GARIN6: variants seen among roughly 807,000 people sequenced by gnomAD.
The protein encoded by GARIN6 is golgi associated RAB2 interactor family member 6, also known as Golgi-associated RAB2 interactor protein 6.
At chr12:99,649,556 C>T in the GARIN6 span, 16 of 599,232 alleles carry the variant, frequency 2.7e-5, no homozygotes, top group Non-Finnish European at 4.4e-5. Flanking sequence ...ACCAAGTCTG[C>T]AGACTCAGGA....
chr12:99,648,687 C>T, the GARIN6 span: 10 of 1,614,042 alleles, frequency 6.2e-6, no homozygotes, highest in Non-Finnish European at 8.5e-6. Flanking sequence ...ACCTTGTTTA[C>T]ATCCTGAGAC....
chr12:99,648,160 G>T, the GARIN6 span: 1 of 1,574,688 alleles, frequency 6.4e-7, no homozygotes, highest in South Asian at 1.1e-5. Context: ...GAACTGTCTT[G>T]ATTTAAAGGA....
the GARIN6 span, chr12:99,647,947 A>T: frequency 1.7e-6 from 1 of 587,604 alleles, no homozygotes; most frequent in Non-Finnish European, 2.9e-6. Context: ...CCATGCACTA[A>T]GCAGGGCACA....
the GARIN6 span, chr12:99,649,717 G>A: frequency 3.9e-6 from 1 of 253,402 alleles, no homozygotes; most frequent in East Asian, 9.9e-5. Context: ...AAGCATATCA[G>A]TAAGTGCTAC....
the GARIN6 span, chr12:99,648,222 C>A: frequency 6.2e-7 from 1 of 1,614,110 alleles, no homozygotes; most frequent in East Asian, 2.2e-5. Context: ...AAAGCAGCCC[C>A]GCAATGGGCA....
At chr12:99,649,391 A>C in the GARIN6 span, 4 of 1,610,294 alleles carry the variant, frequency 2.5e-6, no homozygotes, top group Non-Finnish European at 3.4e-6. Flanking sequence ...TATACAATAG[A>C]GATATGAATC....
the GARIN6 span, chr12:99,649,811 C>T: frequency 1.3e-5 from 2 of 151,668 alleles, no homozygotes; most frequent in Non-Finnish European, 2.8e-5. Context: ...GACAGTATCT[C>T]TCTGCTACTC....
At chr12:99,648,287 C>G in the GARIN6 span, 2 of 1,614,168 alleles carry the variant, frequency 1.2e-6, no homozygotes, top group Non-Finnish European at 1.7e-6. Context: ...GGCGAGTATA[C>G]TATATTCAGG....
the GARIN6 span, chr12:99,648,485 C>T: frequency 1.9e-6 from 3 of 1,614,114 alleles, no homozygotes; most frequent in Non-Finnish European, 1.7e-6. Context: ...GGTCCTGCCA[C>T]CCAGAAAAGA....
At chr12:99,648,723 C>G in the GARIN6 span, 1 of 1,613,952 alleles carries the variant, frequency 6.2e-7, no homozygotes, top group African/African-American at 1.3e-5. Context: ...ACAGTGATAC[C>G]AGGGCTATCC....
chr12:99,649,199 T>A, the GARIN6 span: 1 of 995,788 alleles, frequency 1.0e-6, no homozygotes, highest in African/African-American at 1.6e-5. Flanking sequence ...TGTGTACTTG[T>A]GCAATAATTT....
the GARIN6 span, chr12:99,649,410 C>G: frequency 1.9e-6 from 3 of 1,592,326 alleles, no homozygotes; most frequent in Non-Finnish European, 2.6e-6. Context: ...TCCAACATAC[C>G]TCCCACATAT....
chr12:99,648,088 A>C, the GARIN6 span: 3 of 1,521,306 alleles, frequency 2.0e-6, no homozygotes, highest in South Asian at 2.6e-5. Flanking sequence ...CACCTGCCAG[A>C]GTAGCCAAGG....
At chr12:99,648,526 A>C in the GARIN6 span, 3 of 1,614,148 alleles carry the variant, frequency 1.9e-6, no homozygotes, top group East Asian at 4.5e-5. Context: ...CTTAGAACTA[A>C]CCAGGCTGCT....
the GARIN6 span, chr12:99,649,297 ATGAAGTTTTG>A: frequency 4.1e-5 from 66 of 1,613,768 alleles, no homozygotes; most frequent in Admixed American, 1.1e-3. Flanking sequence ...GGGATATGCC[ATGAAGTTTTG>A]TGAAGAGAAG....
chr12:99,649,931 T>C, the GARIN6 span: 1 of 154,708 alleles, frequency 6.5e-6, no homozygotes. Context: ...CCTAGCTGGA[T>C]TGACTCTGCA....
At chr12:99,648,557 T>C in the GARIN6 span, 1 of 1,613,962 alleles carries the variant, frequency 6.2e-7, no homozygotes. Context: ...TTTGTGAAAA[T>C]AACCATCCAC....
the GARIN6 span, chr12:99,648,178 G>A: frequency 6.2e-7 from 1 of 1,610,574 alleles, no homozygotes; most frequent in Non-Finnish European, 8.5e-7. Context: ...GGAAGACATG[G>A]AGGACTGCTG....
chr12:99,649,337 G>A, the GARIN6 span: 2 of 1,614,156 alleles, frequency 1.2e-6, no homozygotes, highest in Non-Finnish European at 1.7e-6. Flanking sequence ...AGAATCAGTA[G>A]ACTTCACATG....
Sources: gnomAD v4.1 joint callset for allele counts on GRCh38, gnomAD v4.1.1 for gene constraint, MANE v1.5 for transcripts, NCBI Gene and HGNC (gene_info 2026-07-23, HGNC 2026-07-21) for gene names.